RBMS3: variants seen among roughly 807,000 people sequenced by gnomAD.
RBMS3 encodes the protein RNA binding motif single stranded interacting protein 3.
RBMS3 carries 27 observed loss-of-function variants against 66.8 expected under a neutral mutation model. The observed-to-expected ratio is 0.40, with a 90% CI of 0.30 to 0.56. RBMS3 has a LOEUF of 0.56. RBMS3 is among the 20% of genes least tolerant of loss of function. The pLI is 0.40. For missense variants in RBMS3, 513 were observed against 549.5 expected (o/e 0.93, Z 0.66); for synonymous variants, 188 against 183.0 (o/e 1.03, Z -0.22).
At chr3:29,727,042 A>G (rs2053914355) in intron 4 of RBMS3, among the ~76,000 whole-genome samples, 1 of 152,190 alleles carries the variant, frequency 6.6e-6, no homozygotes, top group Non-Finnish European at 1.5e-5. Context: ...AACAGAACAG[A>G]GGCCTCAGAA....
chr3:29,343,771 C>T (rs1270725554), intron 1 of RBMS3, among the ~76,000 whole-genome samples: 2 of 152,136 alleles, frequency 1.3e-5, no homozygotes, highest in African/African-American at 4.8e-5. Context: ...AACTTTCCTG[C>T]TGCTTTTGAT....
chr3:29,320,952 T>C (rs769690448), intron 1 of RBMS3, among the ~76,000 whole-genome samples: 1 of 151,534 alleles, frequency 6.6e-6, no homozygotes, highest in Non-Finnish European at 1.5e-5. Context: ...AAAAAAAAGT[T>C]TGGGGAAAAT....
intron 1 of RBMS3, among the ~76,000 whole-genome samples, chr3:29,311,724 A>AT (rs2034387192): frequency 6.6e-6 from 1 of 151,820 alleles, no homozygotes; most frequent in Non-Finnish European, 1.5e-5. Flanking sequence ...GGTTTGCTTG[A>AT]TTTTAACATA....
At chr3:29,581,030 A>T (rs375233487) in intron 3 of RBMS3, among the ~76,000 whole-genome samples, 2 of 152,200 alleles carry the variant, frequency 1.3e-5, no homozygotes, top group Non-Finnish European at 2.9e-5. Flanking sequence ...GATTCAGACT[A>T]TAATGGCTTA....
At chr3:29,435,403 C>A (rs775927170) in intron 2 of RBMS3, among the ~76,000 whole-genome samples, 4 of 152,166 alleles carry the variant, frequency 2.6e-5, no homozygotes, top group Non-Finnish European at 5.9e-5. Context: ...TAAGACTAAT[C>A]CTCTAGTTTC....
At chr3:29,790,925 T>C (rs146810351) in intron 6 of RBMS3, among the ~76,000 whole-genome samples, 137 of 152,310 alleles carry the variant, frequency 9.0e-4, no homozygotes, top group African/African-American at 3.1e-3. Flanking sequence ...TGTCCCCTGA[T>C]ACTGCACTCT....
chr3:29,726,991 C>T (rs2053911660), intron 4 of RBMS3, among the ~76,000 whole-genome samples: 1 of 152,128 alleles, frequency 6.6e-6, no homozygotes, highest in Non-Finnish European at 1.5e-5. Flanking sequence ...GTAACCAAAA[C>T]AACATGGTAC....
At chr3:29,687,701 T>G (rs2051795065) in intron 4 of RBMS3, among the ~76,000 whole-genome samples, 1 of 152,206 alleles carries the variant, frequency 6.6e-6, no homozygotes, top group Non-Finnish European at 1.5e-5. Flanking sequence ...AACATTAATT[T>G]GAAGAAAAAA....
At chr3:29,554,905 G>T (rs1421642552) in intron 3 of RBMS3, among the ~76,000 whole-genome samples, 4 of 151,974 alleles carry the variant, frequency 2.6e-5, no homozygotes, top group Non-Finnish European at 5.9e-5. Context: ...AACCGAATAG[G>T]GCCATGATTA....
intron 1 of RBMS3, among the ~76,000 whole-genome samples, chr3:29,377,008 G>A (rs2125614273): frequency 6.6e-6 from 1 of 152,120 alleles, no homozygotes; most frequent in African/African-American, 2.4e-5. Context: ...AAAATCACTT[G>A]AGTCTGGGAG....
At chr3:29,577,782 T>A in intron 3 of RBMS3, among the ~76,000 whole-genome samples, 1 of 152,166 alleles carries the variant, frequency 6.6e-6, no homozygotes, top group African/African-American at 2.4e-5. Flanking sequence ...GCTCACTACC[T>A]GTGGTGTTGG....
chr3:29,959,752 C>G (rs1218676375), intron 12 of RBMS3, among the ~76,000 whole-genome samples: 1 of 152,088 alleles, frequency 6.6e-6, no homozygotes, highest in Non-Finnish European at 1.5e-5. Flanking sequence ...TCCTTATTCA[C>G]ATGGCAGCAG....
chr3:29,717,290 A>T (rs2149315509), intron 4 of RBMS3, among the ~76,000 whole-genome samples: 1 of 152,158 alleles, frequency 6.6e-6, no homozygotes, highest in South Asian at 2.1e-4. Flanking sequence ...CTCATTATTC[A>T]CACTGTTCTT....
intron 4 of RBMS3, among the ~76,000 whole-genome samples, chr3:29,731,775 T>C (rs1177972000): frequency 2.0e-5 from 3 of 151,962 alleles, no homozygotes; most frequent in Non-Finnish European, 2.9e-5. Flanking sequence ...TTAGTCAGGG[T>C]TCTTCAGAGA....
chr3:29,945,957 A>C (rs1695275080), intron 12 of RBMS3, among the ~76,000 whole-genome samples: 1 of 151,780 alleles, frequency 6.6e-6, no homozygotes, highest in South Asian at 2.1e-4. Context: ...ACAGTTAAAA[A>C]GATTAGATAT....
chr3:29,314,435 C>G (rs574159902), intron 1 of RBMS3, among the ~76,000 whole-genome samples: 1 of 151,688 alleles, frequency 6.6e-6, no homozygotes, highest in South Asian at 2.1e-4. Context: ...TTAAAGGTCA[C>G]TGCTGGAAGG....
chr3:29,796,666 G>A (rs2057201030), intron 6 of RBMS3, among the ~76,000 whole-genome samples: 1 of 151,184 alleles, frequency 6.6e-6, no homozygotes, highest in South Asian at 2.1e-4. Context: ...ATGCTCTTGG[G>A]TGACCCAGGT....
chr3:29,561,448 TTG>T (rs1171079938), intron 3 of RBMS3, among the ~76,000 whole-genome samples: 1 of 151,946 alleles, frequency 6.6e-6, no homozygotes, highest in African/African-American at 2.4e-5. Context: ...GTTGTTGTTG[TTG>T]TTGTTGTTGT....
intron 3 of RBMS3, among the ~76,000 whole-genome samples, chr3:29,503,321 C>G (rs116832596): frequency 6.6e-6 from 1 of 152,062 alleles, no homozygotes; most frequent in African/African-American, 2.4e-5. Flanking sequence ...CCTCCAGCCT[C>G]TAATTCTTAC....
Sources: gnomAD v4.1 joint callset for allele counts (sites outside exome capture counted in the v4.1 genomes callset) on GRCh38, gnomAD v4.1.1 for gene constraint, MANE v1.5 for transcripts, NCBI Gene and HGNC (gene_info 2026-07-23, HGNC 2026-07-21) for gene names.